PPM1E: variants seen among roughly 807,000 people sequenced by gnomAD.
PPM1E encodes protein phosphatase, Mg2+/Mn2+ dependent 1E, also known as protein phosphatase 1E.
In PPM1E, 20 loss-of-function variants were observed where a neutral mutation model predicts 65.9. That is an observed-to-expected ratio of 0.30 (90% CI 0.21 to 0.44). The LOEUF is 0.44. Ranked by LOEUF, PPM1E falls within the 20% of genes least tolerant of loss-of-function variation. The pLI, the probability that PPM1E is intolerant of heterozygous loss-of-function variation, is 1.00. For synonymous variants in PPM1E, 352 were observed against 374.9 expected, an observed-to-expected ratio of 0.94 and a Z score of 0.70; for missense variants, 713 against 953.1, an observed-to-expected ratio of 0.75 and a Z score of 3.32.
intron 1 of PPM1E, among the ~76,000 whole-genome samples, chr17:58,807,232 A>C (rs1409485370): frequency 1.3e-5 from 2 of 152,186 alleles, no homozygotes; most frequent in Non-Finnish European, 2.9e-5. Flanking sequence ...GATTTTTTAA[A>C]AAGAAAATGT....
At chr17:58,943,180 G>C (rs181471701) in intron 1 of PPM1E, among the ~76,000 whole-genome samples, 1 of 152,098 alleles carries the variant, frequency 6.6e-6, no homozygotes, top group African/African-American at 2.4e-5. Context: ...CTGGGTGATA[G>C]AGTGAGACCC....
At chr17:58,969,363 T>A in intron 3 of PPM1E, 176 bp from the exon 4 acceptor site, 1 of 718,302 alleles carries the variant, frequency 1.4e-6, no homozygotes, top group Non-Finnish European at 2.5e-6. Context: ...ACCCTAATAT[T>A]GCAGGTATTT....
At position 58,982,888 on chromosome 17, in the gene PPM1E, C is replaced by CAG; in HGVS notation, c.*1858_*1859insGA. On this transcript the variant is annotated 3_prime_UTR_variant, in exon 7 of 7. Coordinates refer to ENST00000308249, the MANE Select transcript of PPM1E (RefSeq NM_014906.5). ...TTCTGAAGCCTAGATCTTGTTAACC[C>CAG]ATCAGGTGCAGTGTCAGTTTCAAAT... The CAG allele has an allele frequency of 6.4e-7, 1 of 1,569,916 alleles. No homozygotes were observed. The highest frequency in any genetic ancestry group is 8.7e-7 in the Non-Finnish European group (1 of 1,155,252).
chr17:58,770,471 A>T (rs7211439), intron 1 of PPM1E, among the ~76,000 whole-genome samples: 22,109 of 152,054 alleles, frequency 0.15, 2,490 homozygotes, highest in East Asian at 0.31. Context: ...GCTGTAGTAC[A>T]CTATGATTGC....
chr17:58,871,120 G>A (rs1326367614), intron 1 of PPM1E, among the ~76,000 whole-genome samples: 1 of 152,024 alleles, frequency 6.6e-6, no homozygotes, highest in Non-Finnish European at 1.5e-5. Context: ...CTGCAGCCTC[G>A]AATTCCTGGT....
chr17:58,968,205 G>T (rs2030381097), intron 3 of PPM1E, among the ~76,000 whole-genome samples: 1 of 152,064 alleles, frequency 6.6e-6, no homozygotes, highest in African/African-American at 2.4e-5. Flanking sequence ...ATAACATTTT[G>T]GTTATTATTC....
chr17:58,861,215 A>G (rs867364656), intron 1 of PPM1E, among the ~76,000 whole-genome samples: 3 of 152,240 alleles, frequency 2.0e-5, no homozygotes, highest in Non-Finnish European at 4.4e-5. Context: ...CCTGTAATTT[A>G]TCAGCATTGT....
At chr17:58,860,542 C>T (rs1307096526) in intron 1 of PPM1E, among the ~76,000 whole-genome samples, 1 of 152,128 alleles carries the variant, frequency 6.6e-6, no homozygotes, top group Non-Finnish European at 1.5e-5. Flanking sequence ...GGGGTTATGC[C>T]AGATAAAACA....
Position 58,756,218 on chromosome 17 carries a change from C to A in PPM1E, c.221C>A (p.Ala74Asp), listed in dbSNP as rs373437037. Residue 74 changes from alanine to aspartate, a missense_variant, in exon 1 of 7, where the codon GCC (alanine) becomes GAC (aspartate). Transcript: ENST00000308249. ...CCCGGGGAGGAGGCGGCCACGGTAG[C>A]CGCGACGGAGGAGGGGGACCAGGAG... ...EEPGEEAATV[A>D]ATEEGDQEQD... 2.3e-5 allele frequency: 36 copies of A among 1,554,596 alleles called. No homozygotes were observed. The highest frequency in any genetic ancestry group is 3.0e-5 in the Non-Finnish European group (35 of 1,148,818).
intron 1 of PPM1E, among the ~76,000 whole-genome samples, chr17:58,872,560 A>G (rs766266081): frequency 1.3e-5 from 2 of 152,216 alleles, no homozygotes; most frequent in Non-Finnish European, 2.9e-5. Context: ...ATGATAAAAT[A>G]TAGGGTTTAT....
chr17:58,976,621 A>G (rs760192311), intron 6 of PPM1E, among the ~76,000 whole-genome samples: 1 of 152,178 alleles, frequency 6.6e-6, no homozygotes. Context: ...ACATATGGAG[A>G]GAAGAGGTTG....
chr17:58,789,351 C>G (rs1380120757), intron 1 of PPM1E, among the ~76,000 whole-genome samples: 2 of 152,176 alleles, frequency 1.3e-5, no homozygotes, highest in African/African-American at 2.4e-5. Flanking sequence ...AGTTATTCAT[C>G]TATTTCTGTC....
chr17:58,769,034 T>C (rs1233919624), intron 1 of PPM1E, among the ~76,000 whole-genome samples: 2 of 151,916 alleles, frequency 1.3e-5, no homozygotes, highest in African/African-American at 4.8e-5. Context: ...CTGAAAAAAA[T>C]AGTTCACAGC....
At chr17:58,779,132 G>A (rs1253702729) in intron 1 of PPM1E, among the ~76,000 whole-genome samples, 1 of 149,722 alleles carries the variant, frequency 6.7e-6, no homozygotes, top group Non-Finnish European at 1.5e-5. Context: ...ATATTTAATT[G>A]TATCAAAAAA....
intron 1 of PPM1E, among the ~76,000 whole-genome samples, chr17:58,794,126 G>T (rs1479070601): frequency 6.6e-6 from 1 of 152,100 alleles, no homozygotes; most frequent in African/African-American, 2.4e-5. Flanking sequence ...GTATTTTTTA[G>T]TAGAGACAGG....
chr17:58,849,329 G>T (rs2050802652), intron 1 of PPM1E, among the ~76,000 whole-genome samples: 2 of 152,026 alleles, frequency 1.3e-5, no homozygotes, highest in Admixed American at 1.3e-4. Flanking sequence ...GAATGTGTTT[G>T]CTCTTGCTTC....
At position 58,756,096 on chromosome 17, in the gene PPM1E, G is replaced by GGAAGCC. The variant is rs2049757563; in HGVS notation, c.102_103insGCCGAA (p.Glu34_Pro35insAlaGlu). ...CGTGCGGCGGCGGCGAGCCGGAGCC[G>GGAAGCC]GAACCCGAACCCGAACCCGAACCCG... is the stretch of plus-strand genomic sequence containing the variant. On this transcript the variant is annotated inframe_insertion, in exon 1 of 7. Transcript: ENST00000308249. 1 of 1,597,526 alleles carries GGAAGCC rather than the reference G, an allele frequency of 6.3e-7. No individual in the cohort carries two copies. The highest frequency in any genetic ancestry group is 8.5e-7 in the Non-Finnish European group (1 of 1,172,028).
At chr17:58,944,160 T>G (rs1049652090) in intron 1 of PPM1E, among the ~76,000 whole-genome samples, 1 of 151,820 alleles carries the variant, frequency 6.6e-6, no homozygotes, top group Non-Finnish European at 1.5e-5. Context: ...TGCCCCCTAC[T>G]CAGTAATTAA....
chr17:58,837,155 T>C (rs181537854), intron 1 of PPM1E, among the ~76,000 whole-genome samples: 19 of 145,586 alleles, frequency 1.3e-4, no homozygotes, highest in Admixed American at 2.8e-4. Context: ...GATGGGAGGA[T>C]CACTTGAGCC....
Sources: allele counts gnomAD v4.1 joint callset (sites outside exome capture counted in the v4.1 genomes callset), GRCh38; gene constraint gnomAD v4.1.1; transcripts MANE v1.5; gene names NCBI Gene and HGNC (gene_info 2026-07-23, HGNC 2026-07-21).